The following ADAMTS13 variants were observed in gnomAD, a reference collection of about 807,000 sequenced individuals.
ADAMTS13 encodes ADAM metallopeptidase with thrombospondin type 1 motif 13, also known as A disintegrin and metalloproteinase with thrombospondin motifs 13.
ADAMTS13 carries 110 observed loss-of-function variants against 155.1 expected under a neutral mutation model. That is an observed-to-expected ratio of 0.71 (90% confidence interval 0.61 to 0.83). The LOEUF (loss-of-function observed/expected upper bound fraction) is 0.83. Ranked by LOEUF, ADAMTS13 falls within the 40% of genes least tolerant of loss-of-function variation. ADAMTS13 has a pLI of 0.00. For missense variants in ADAMTS13, 1,707 were observed against 1,891.7 expected (o/e 0.90, Z 1.81); for synonymous variants, 758 against 756.4 (o/e 1.00, Z -0.03).
rs587709517 is a variant in ADAMTS13, at chr9:133,448,186, C to T, written c.2732-413C>T. Among the ~76,000 whole-genome samples the T allele has an allele frequency of 2.0e-5, 3 of 152,018 alleles. No individual in the cohort carries two copies. The South Asian group carries it at 6.3e-4, about 32-fold the overall frequency. On this transcript the variant is annotated intron_variant, in intron 21 of 28. Coordinates refer to ENST00000355699, the MANE Select transcript of ADAMTS13 (RefSeq NM_139027.6). ...TGTATTTTTAGTAGAGACGGGGTTT[C>T]ACCATGTTGGTCAGGCTCGTCTCGA...
chr9:133,421,164 G>A (rs1839939136), upstream of ADAMTS13, among the ~76,000 whole-genome samples: 1 of 152,244 alleles, frequency 6.6e-6, no homozygotes, highest in Non-Finnish European at 1.5e-5. Flanking sequence ...CACAAGGGAG[G>A]CTGAGGCAGG....
chr9:133,429,124 GCTGCGCCCACTC>G (rs1410043172), intron 7 of ADAMTS13, among the ~76,000 whole-genome samples: 44 of 77,328 alleles, frequency 5.7e-4, no homozygotes, highest in Non-Finnish European at 1.1e-3. Context: ...GTCCCATCCC[GCTGCGCCCACTC>G]CTGCGCCCAC....
chr9:133,429,875 C>T, intron 7 of ADAMTS13, 64 bp from the exon 8 acceptor site: 1 of 1,530,382 alleles, frequency 6.5e-7, no homozygotes, highest in African/African-American at 1.4e-5. Context: ...CCCACTCCTC[C>T]GTCCCGCCTC....
intron 1 of ADAMTS13, chr9:133,414,826 C>T: frequency 6.2e-7 from 1 of 1,614,212 alleles, no homozygotes; most frequent in Non-Finnish European, 8.5e-7. Flanking sequence ...TCCTGTCCAT[C>T]TTGGAACCTG....
chr9:133,445,893 TCTGA>T lies in ADAMTS13; in HGVS notation c.2731+75_2731+78del. ...CCTGTCCACTTGCATCTTGCCTCGT[TCTGA>T]AAAGCATTTGAGGTGGATTGCAGAA... is the stretch of plus-strand genomic sequence containing the variant. On this transcript the variant is annotated intron_variant, in intron 21 of 28. Coordinates refer to ENST00000355699, the MANE Select transcript of ADAMTS13 (RefSeq NM_139027.6). This position sits in a 1 kb window ranked among gnomAD's most constrained non-coding sequence, Gnocchi z 5.0. 1 of 1,506,608 alleles carries T rather than the reference TCTGA, an allele frequency of 6.6e-7. No individual in the cohort carries two copies. The highest frequency in any genetic ancestry group is 8.9e-7 in the Non-Finnish European group (1 of 1,127,544). The allele number at this position is 1,506,608 out of a possible 1,614,324, so 93.3% of individuals were successfully genotyped here.
chr9:133,428,357 A>G (rs750209087), intron 6 of ADAMTS13, among the ~76,000 whole-genome samples: 1 of 152,158 alleles, frequency 6.6e-6, no homozygotes, highest in Non-Finnish European at 1.5e-5. Context: ...TGGCTTGCAC[A>G]TTTTTAAAGG....
rs1840850647 is a variant in ADAMTS13 at position 133,432,588 on chromosome 9, G to C, written c.988G>C (p.Asp330His). Residue 330 changes from aspartate (D) to histidine (H), a missense_variant and splice_region_variant, in exon 9 of 29, where the codon GAT (aspartate) becomes CAT (histidine). Asp to His is a moderately conservative substitution (Grantham distance 81, BLOSUM62 -1). This residue lies in a region of ADAMTS13 where 733 missense variants were observed against 749.6 expected (regional missense o/e 0.98). Coordinates refer to ENST00000355699, the MANE Select transcript of ADAMTS13 (RefSeq NM_139027.6). Reference protein sequence around the residue: ...VACTFAREHLDMCQALSCHTD... With the variant: ...VACTFAREHLHMCQALSCHTD... ...GCCACCCACCTGTCCACCCTCCTAGGATATGTGCCAGGCCCTCTCCTGCCA... is the reference window on the plus strand; with the variant it reads ...GCCACCCACCTGTCCACCCTCCTAGCATATGTGCCAGGCCCTCTCCTGCCA... 1 of 1,551,628 alleles carries C rather than the reference G, an allele frequency of 6.4e-7. No homozygotes were observed. Among genetic ancestry groups the C allele is most frequent in the Non-Finnish European group, 8.7e-7 (1 of 1,147,556 alleles).
At chr9:133,432,221 C>T (rs866443783) in intron 8 of ADAMTS13, among the ~76,000 whole-genome samples, 1 of 152,004 alleles carries the variant, frequency 6.6e-6, no homozygotes, top group Non-Finnish European at 1.5e-5. Flanking sequence ...GCCAAGATCG[C>T]GCCATTGCCC....
chr9:133,448,512 ATG>A (rs1842218718), intron 21 of ADAMTS13, 85 bp from the exon 22 acceptor site: 2 of 1,575,302 alleles, frequency 1.3e-6, no homozygotes, highest in Non-Finnish European at 1.7e-6. Context: ...TGCGGGCCTT[ATG>A]TGCTAGAGGT....
Position 133,429,985 on chromosome 9 carries a change from G to A in ADAMTS13, c.871G>A (p.Gly291Arg), listed in dbSNP as rs1554786728. Residue 291 changes from glycine to arginine, a missense_variant, in exon 8 of 29, where the codon GGG becomes AGG. By Grantham distance (125) the Gly-to-Arg change is moderately radical (BLOSUM62 -2). Around this residue, in one of 3 missense-constraint regions of ADAMTS13, gnomAD observed 733 missense variants for 749.6 expected, o/e 0.98. Transcript: ENST00000355699. ...GTGGGACCCGCCGCGGCCTCAACCC[G>A]GGTCCGCGGGGCACCCGCCGGATGC... is the stretch of plus-strand genomic sequence containing the variant. Reference protein sequence around the residue: ...CVWDPPRPQPGSAGHPPDAQP... With the variant: ...CVWDPPRPQPRSAGHPPDAQP... 1 of 1,553,784 alleles carries A rather than the reference G, an allele frequency of 6.4e-7. No homozygotes were observed. Among genetic ancestry groups the A allele is most frequent in the Admixed American group, 1.9e-5 (1 of 53,686 alleles).
intron 14 of ADAMTS13, among the ~76,000 whole-genome samples, chr9:133,439,050 T>C (rs1279747412): frequency 3.3e-5 from 5 of 152,080 alleles, no homozygotes; most frequent in African/African-American, 1.2e-4. Context: ...TTGACTTTGG[T>C]GTATATATGA....
intron 7 of ADAMTS13, among the ~76,000 whole-genome samples, chr9:133,429,205 C>T (rs1840531276): frequency 9.5e-6 from 1 of 105,458 alleles, no homozygotes. Flanking sequence ...CCACCCCCTG[C>T]ACCTCCCCCC....
Position 133,425,938 on chromosome 9 carries a change from G to A in ADAMTS13, c.415G>A (p.Gly139Ser). The change falls in exon 5 of 29, where the codon GGT becomes AGT. Residue 139 changes from glycine (G) to serine (S), a missense_variant and splice_region_variant. Coordinates refer to ENST00000355699, the MANE Select transcript of ADAMTS13 (RefSeq NM_139027.6). The surrounding 1 kb of genome is among the most constrained non-coding windows in gnomAD (Gnocchi z 4.6). ...TGCAGGCTTTGCTGTGGGTCCGCAG[G>A]GTGCTCCAAATATCACAGCCAACCT... Reference protein sequence around the residue: ...VKMVILTEPEGAPNITANLTS... With the variant: ...VKMVILTEPESAPNITANLTS... 2 of 1,613,458 alleles carry A rather than the reference G, an allele frequency of 1.2e-6. No individual in the cohort carries two copies. Among genetic ancestry groups the A allele is most frequent in the Non-Finnish European group, 1.7e-6 (2 of 1,180,014 alleles).
chr9:133,417,500 A>C (rs782393911), upstream of ADAMTS13: 6 of 1,040,922 alleles, frequency 5.8e-6, no homozygotes, highest in Admixed American at 2.2e-5. Context: ...AAAGCTGTTT[A>C]CAAGATTTCG....
chr9:133,414,878 G>A lies in ADAMTS13; in HGVS notation n.287+234G>A, dbSNP rs181933135. ...GCTGGCCTCCTGGTCTTTTCCTGCC[G>A]GCATCTCCTCTCCCTTCACTTGAGG... On this transcript the variant is annotated intron_variant and non_coding_transcript_variant, in intron 1 of 17. Transcript: ENST00000485925. 7.1e-5 allele frequency: 115 copies of A among 1,614,030 alleles called. No homozygotes were observed. The highest frequency in any genetic ancestry group is 9.1e-5 in the Non-Finnish European group (107 of 1,180,006).
chr9:133,430,175 G>A (rs782254917), intron 8 of ADAMTS13, 74 bp downstream of exon 8: 17 of 1,531,392 alleles, frequency 1.1e-5, no homozygotes, highest in South Asian at 8.3e-5. Context: ...CCCCCAAAAC[G>A]TGCATGGTGA....
At chr9:133,452,869 A>G (rs1554794694) in intron 23 of ADAMTS13, among the ~76,000 whole-genome samples, 2 of 151,688 alleles carry the variant, frequency 1.3e-5, no homozygotes, top group Non-Finnish European at 2.9e-5. Context: ...TTCCAGGGAT[A>G]CTCCCCTGAC....
At position 133,437,836 on chromosome 9, in the gene ADAMTS13, G is replaced by A. The variant is rs281875305; in HGVS notation, c.1523G>A (p.Cys508Tyr). The change falls in exon 13 of 29, where the codon TGT becomes TAT. Residue 508 changes from cysteine to tyrosine, a missense_variant. By Grantham distance (194) the Cys-to-Tyr change is radical (BLOSUM62 -2). Transcript: ENST00000355699. ...GACAGCTTCCTCGATGGGACCCGGT[G>A]TATGCCAAGTGGCCCCCGGGAGGAC... Reference protein sequence around the residue: ...RGDSFLDGTRCMPSGPREDGT... With the variant: ...RGDSFLDGTRYMPSGPREDGT... 1.9e-6 allele frequency: 3 copies of A among 1,614,000 alleles called. No homozygotes were observed. The highest frequency in any genetic ancestry group is 1.7e-5 in the Admixed American group (1 of 60,032).
intron 6 of ADAMTS13, among the ~76,000 whole-genome samples, chr9:133,427,073 G>T (rs927543420): frequency 6.6e-6 from 1 of 152,230 alleles, no homozygotes; most frequent in Non-Finnish European, 1.5e-5. Context: ...ACAGTGCTGG[G>T]ATTACAGGCG....
Sources: gnomAD v4.1 joint callset for allele counts (sites outside exome capture counted in the v4.1 genomes callset) on GRCh38, gnomAD v4.1.1 for gene constraint, gnomAD v4.1.1 regional missense constraint, Gnocchi (gnomAD v3.1) non-coding constraint, MANE v1.5 for transcripts, NCBI Gene and HGNC (gene_info 2026-07-23, HGNC 2026-07-21) for gene names.